HERC2: variants seen among roughly 807,000 people sequenced by gnomAD.
HERC2 encodes E3 ubiquitin-protein ligase HERC2.
HERC2 carries 102 observed loss-of-function variants against 537.7 expected under a neutral mutation model. The observed-to-expected ratio is 0.19, with a 90% CI of 0.16 to 0.22. HERC2 has a LOEUF of 0.22. Among genes scored for constraint, HERC2 ranks in the 10% least tolerant of loss-of-function variants. The probability of loss-of-function intolerance (pLI) is 1.00; values close to 1 mark genes in which losing one functional copy is unlikely to be tolerated. For synonymous variants in HERC2, 2,224 were observed against 2,466.2 expected (o/e 0.90, Z 2.91); for missense variants, 4,236 against 6,198.2 (o/e 0.68, Z 10.63).
chr15:28,289,909 CT>C (rs2076266681), intron 4 of HERC2, among the ~76,000 whole-genome samples: 1 of 151,850 alleles, frequency 6.6e-6, no homozygotes, highest in Non-Finnish European at 1.5e-5. Flanking sequence ...AGTGAGAGGA[CT>C]ACACACCTCA....
intron 5 of HERC2, among the ~76,000 whole-genome samples, chr15:28,279,426 G>A (rs1013839465): frequency 1.1e-4 from 17 of 152,134 alleles, no homozygotes; most frequent in Admixed American, 9.2e-4. Flanking sequence ...CGTATACAAC[G>A]TTCAGAACTC....
rs370333055 is a variant in HERC2 at position 28,182,509 on chromosome 15, G to A, written c.8829C>T (p.Leu2943=). 8 of 1,599,032 alleles carry A rather than the reference G, an allele frequency of 5.0e-6. No individual in the cohort carries two copies. The African/African-American group carries it at 8.1e-5, about 16-fold the overall frequency. Residue 2943 remains leucine (L), a synonymous_variant, in exon 57 of 93, where the codon CTC becomes CTT. Coordinates refer to ENST00000261609, the MANE Select transcript of HERC2 (RefSeq NM_004667.6). ...CCAGCCCAGCAGCCTTCTTTCTAAT[G>A]AGGCTAACCAAACGGAAAAAAAAAA... ...EEDEKGNSGS[L]IRKKAAGLES...
chr15:28,263,256 G>T, intron 14 of HERC2, 87 bp from the exon 15 acceptor site: 1 of 1,444,874 alleles, frequency 6.9e-7, no homozygotes, highest in Non-Finnish European at 9.4e-7. Context: ...AATGAAAAAC[G>T]CACACTAATC....
At chr15:28,179,115 A>C in intron 58 of HERC2, 27 bp downstream of exon 58, 1 of 1,602,302 alleles carries the variant, frequency 6.2e-7, no homozygotes, top group Non-Finnish European at 8.5e-7. Context: ...ATAATTTAAA[A>C]ATTTTTTAAG....
chr15:28,163,124 C>T lies in HERC2; in HGVS notation c.10716G>A (p.Val3572=). 1 of 1,611,646 alleles carries T rather than the reference C, an allele frequency of 6.2e-7. No individual in the cohort carries two copies. Among genetic ancestry groups the T allele is most frequent in the Non-Finnish European group, 8.5e-7 (1 of 1,179,932 alleles). The change falls in exon 69 of 93, where the codon GTG becomes GTA. Residue 3572 remains valine (V), a synonymous_variant. Transcript: ENST00000261609. ...GDRGRDVLSA[V]LSGMGTAYPQ... ...GGTAGGCGGTCCCCATGCCGGAAAGCACCGCGGAGAGCACATCCCTGCCCC... is the reference window on the plus strand; with the variant it reads ...GGTAGGCGGTCCCCATGCCGGAAAGTACCGCGGAGAGCACATCCCTGCCCC...
At chr15:28,189,632 A>G (rs1046253932) in intron 55 of HERC2, among the ~76,000 whole-genome samples, 1 of 152,254 alleles carries the variant, frequency 6.6e-6, no homozygotes, top group Non-Finnish European at 1.5e-5. Context: ...CTGTGAATGT[A>G]CTACGTATTT....
At chr15:28,280,003 G>T in intron 5 of HERC2, 65 bp downstream of exon 5, 1 of 1,316,204 alleles carries the variant, frequency 7.6e-7, no homozygotes, top group Non-Finnish European at 1.1e-6. Flanking sequence ...TAAACTTTCT[G>T]AAACAAAACA....
chr15:28,308,097 T>C (rs1371171952), intron 2 of HERC2, among the ~76,000 whole-genome samples: 2 of 152,180 alleles, frequency 1.3e-5, no homozygotes, highest in African/African-American at 4.8e-5. Context: ...AAGAATGTCA[T>C]TGGTATTTTG....
At chr15:28,252,944 G>T (rs2075131072) in intron 20 of HERC2, among the ~76,000 whole-genome samples, 1 of 152,198 alleles carries the variant, frequency 6.6e-6, no homozygotes, top group South Asian at 2.1e-4. Context: ...ATGGTCCCAT[G>T]AATAGGCCAG....
intron 21 of HERC2, among the ~76,000 whole-genome samples, chr15:28,247,707 C>T (rs1279916006): frequency 2.0e-5 from 3 of 152,074 alleles, no homozygotes; most frequent in African/African-American, 4.8e-5. Context: ...GGATTACAGG[C>T]GTGAGCCACC....
intron 69 of HERC2, among the ~76,000 whole-genome samples, chr15:28,154,852 T>G (rs1892825935): frequency 6.6e-6 from 1 of 151,972 alleles, no homozygotes; most frequent in South Asian, 2.1e-4. Context: ...TGCCATGTTG[T>G]TGTGCTGCAC....
At chr15:28,134,048 T>C (rs1890366788) in intron 79 of HERC2, among the ~76,000 whole-genome samples, 1 of 152,354 alleles carries the variant, frequency 6.6e-6, no homozygotes, top group East Asian at 1.9e-4. Context: ...GTTGAATCTA[T>C]AGATTTGAGG....
At chr15:28,133,840 G>A (rs773139418) in intron 79 of HERC2, among the ~76,000 whole-genome samples, 27 of 152,152 alleles carry the variant, frequency 1.8e-4, no homozygotes, top group Admixed American at 1.8e-3. Context: ...CTCCATTGAT[G>A]TATCTGTCTC....
chr15:28,210,248 G>C (rs555393739), intron 44 of HERC2, among the ~76,000 whole-genome samples: 121 of 151,984 alleles, frequency 8.0e-4, no homozygotes, highest in Admixed American at 1.7e-3. Context: ...ATTCTCCTGC[G>C]TCAGCCTCCC....
intron 50 of HERC2, among the ~76,000 whole-genome samples, chr15:28,197,761 G>T (rs765251897): frequency 3.4e-4 from 52 of 152,150 alleles, no homozygotes; most frequent in Non-Finnish European, 6.6e-4. Context: ...AGTCCTGACA[G>T]TCAGGAGCTG....
intron 70 of HERC2, among the ~76,000 whole-genome samples, chr15:28,148,227 T>C (rs569069692): frequency 3.1e-4 from 47 of 151,774 alleles, no homozygotes; most frequent in South Asian, 4.2e-4. Context: ...ACCAAAACAT[T>C]TTATAAAGCT....
chr15:28,271,007 T>C (rs1280106749), intron 9 of HERC2, 139 bp from the exon 10 acceptor site: 2 of 683,714 alleles, frequency 2.9e-6, no homozygotes, highest in Non-Finnish European at 5.1e-6. Flanking sequence ...ACAGTTATAC[T>C]ATACATCTAT....
At chr15:28,117,520 T>C (rs760526488) in intron 86 of HERC2, 18 of 553,636 alleles carry the variant, frequency 3.3e-5, no homozygotes, top group Non-Finnish European at 6.2e-5. Flanking sequence ...CTGCTGCTAC[T>C]TCACCATCTT....
chr15:28,276,356 C>G (rs1198855618), intron 5 of HERC2, among the ~76,000 whole-genome samples: 2 of 152,078 alleles, frequency 1.3e-5, no homozygotes, highest in Non-Finnish European at 1.5e-5. Flanking sequence ...AGAGGAAACA[C>G]AAGAACCTCT....
Sources: allele counts gnomAD v4.1 joint callset (sites outside exome capture counted in the v4.1 genomes callset), GRCh38; gene constraint gnomAD v4.1.1; transcripts MANE v1.5; gene names NCBI Gene and HGNC (gene_info 2026-07-23, HGNC 2026-07-21).